SPAG16: variants seen among roughly 807,000 people sequenced by gnomAD.
SPAG16 encodes the protein sperm associated antigen 16.
SPAG16 carries 86 observed loss-of-function variants against 80.4 expected under a neutral mutation model. That is an observed-to-expected ratio of 1.07 (90% CI 0.90 to 1.28). The LOEUF is 1.28. Ranked by LOEUF, SPAG16 falls within the 50% of genes most tolerant of loss-of-function variation. SPAG16 has a pLI of 0.00. For missense variants in SPAG16, 870 were observed against 765.3 expected (o/e 1.14, Z -1.61); for synonymous variants, 294 against 265.9 (o/e 1.11, Z -1.03).
chr2:214,395,572 A>T (rs1281296734), intron 15 of SPAG16, among the ~76,000 whole-genome samples: 1 of 152,112 alleles, frequency 6.6e-6, no homozygotes, highest in Admixed American at 6.5e-5. Context: ...CAGATTTGTG[A>T]TATAGGTAAA....
chr2:213,657,423 A>T (rs950081379), intron 10 of SPAG16, among the ~76,000 whole-genome samples: 1 of 152,192 alleles, frequency 6.6e-6, no homozygotes, highest in African/African-American at 2.4e-5. Flanking sequence ...TTACAGTGAT[A>T]TTGAATATTT....
chr2:213,713,989 C>T (rs183457577), intron 10 of SPAG16, among the ~76,000 whole-genome samples: 1 of 152,242 alleles, frequency 6.6e-6, no homozygotes, highest in East Asian at 1.9e-4. Context: ...AGTTCTATAA[C>T]ATGAGAAAAA....
intron 15 of SPAG16, among the ~76,000 whole-genome samples, chr2:214,223,031 C>A (rs2058617745): frequency 6.6e-6 from 1 of 152,086 alleles, no homozygotes; most frequent in African/African-American, 2.4e-5. Context: ...TGGTTAATGT[C>A]AAAAATTTTA....
chr2:213,754,736 C>G (rs1460560305), intron 10 of SPAG16, among the ~76,000 whole-genome samples: 1 of 151,580 alleles, frequency 6.6e-6, no homozygotes, highest in African/African-American at 2.4e-5. Context: ...TCTCATTCAC[C>G]TGATGAATGC....
chr2:213,788,168 A>G (rs2070459191), intron 10 of SPAG16, among the ~76,000 whole-genome samples: 1 of 152,014 alleles, frequency 6.6e-6, no homozygotes, highest in African/African-American at 2.4e-5. Context: ...AAATTTAAGT[A>G]CAAATGTGCT....
Position 214,165,469 on chromosome 2 carries a change from C to CTTTTTTT in SPAG16, c.1720+16234_1720+16240dup, listed in dbSNP as rs67726428. On this transcript the variant is annotated intron_variant, in intron 15 of 15. Coordinates refer to ENST00000331683, the MANE Select transcript of SPAG16 (RefSeq NM_024532.5). ...TTTAAAAATGCTTTGCATCACCATC[C>CTTTTTTT]TTTTTTTTTTTTTTTTTTTTTTTTT... is the stretch of plus-strand genomic sequence containing the variant. Among the ~76,000 whole-genome samples the CTTTTTTT allele has an allele frequency of 1.1e-3, 40 of 37,856 alleles. 9 individuals carry two copies. Among genetic ancestry groups the CTTTTTTT allele is most frequent in the African/African-American group, 3.6e-3 (26 of 7,174 alleles). The allele number at this position is 37,856 out of a possible 152,430, so 24.8% of individuals were successfully genotyped here.
At chr2:213,973,966 A>G (rs1458865419) in intron 12 of SPAG16, among the ~76,000 whole-genome samples, 1 of 152,164 alleles carries the variant, frequency 6.6e-6, no homozygotes, top group Non-Finnish European at 1.5e-5. Context: ...TATCTATTAC[A>G]GCAGGTAGTT....
At chr2:213,826,559 T>G (rs1816209) in intron 10 of SPAG16, among the ~76,000 whole-genome samples, 1 of 151,826 alleles carries the variant, frequency 6.6e-6, no homozygotes, top group Admixed American at 6.6e-5. Context: ...TCCAATATTC[T>G]TCTTGTTATT....
intron 9 of SPAG16, among the ~76,000 whole-genome samples, chr2:213,453,552 A>G (rs1268474776): frequency 2.6e-5 from 4 of 152,206 alleles, no homozygotes; most frequent in Non-Finnish European, 5.9e-5. Flanking sequence ...TTGTGGTAAA[A>G]GAGATTCTGA....
chr2:213,735,520 A>G (rs1014058802), intron 10 of SPAG16, among the ~76,000 whole-genome samples: 4 of 152,178 alleles, frequency 2.6e-5, no homozygotes, highest in South Asian at 2.1e-4. Context: ...ACTGAAGCTC[A>G]TATTGTTTCC....
chr2:213,325,678 C>T (rs2063812093), intron 5 of SPAG16, among the ~76,000 whole-genome samples: 1 of 151,368 alleles, frequency 6.6e-6, no homozygotes, highest in African/African-American at 2.4e-5. Flanking sequence ...AGGATTGATA[C>T]TGTCACAAGT....
At chr2:213,761,142 A>G (rs79944662) in intron 10 of SPAG16, among the ~76,000 whole-genome samples, 4,437 of 152,314 alleles carry the variant, frequency 0.029, 149 homozygotes, top group African/African-American at 0.085. Flanking sequence ...AAAGTTACAA[A>G]ACTTTGGAAT....
At chr2:213,661,002 T>C (rs1347820674) in intron 10 of SPAG16, among the ~76,000 whole-genome samples, 1 of 152,200 alleles carries the variant, frequency 6.6e-6, no homozygotes, top group African/African-American at 2.4e-5. Context: ...TTAACTTGTC[T>C]TGTCTCATTC....
At position 214,401,704 on chromosome 2, in the gene SPAG16, G is replaced by T. The variant is rs117999118; in HGVS notation, c.1721-8436G>T. Among the ~76,000 whole-genome samples the T allele has an allele frequency of 9.6e-4, 146 of 151,918 alleles. 1 individual carries two copies. In the East Asian group the frequency reaches 0.024, roughly 24 times the overall value. The stretch of plus-strand genomic sequence containing the variant: ...TTTCTTATAACAAAGCTCCATTCCT[G>T]CAGACACATTCCTACAATCCAGAAT... On this transcript the variant is annotated intron_variant, in intron 15 of 15. Transcript: ENST00000331683.
chr2:214,108,014 G>C (rs73076856), intron 13 of SPAG16, among the ~76,000 whole-genome samples, 182 bp from the exon 14 acceptor site: 1 of 151,880 alleles, frequency 6.6e-6, no homozygotes. Context: ...TATGCTCCCC[G>C]CTCTAGGTCT....
chr2:213,599,826 C>A (rs1296905708), intron 10 of SPAG16, among the ~76,000 whole-genome samples: 1 of 152,100 alleles, frequency 6.6e-6, no homozygotes, highest in South Asian at 2.1e-4. Flanking sequence ...CTCAGCATCC[C>A]GAGTAGCTGG....
At chr2:213,359,813 A>G (rs924384825) in intron 7 of SPAG16, among the ~76,000 whole-genome samples, 3 of 152,160 alleles carry the variant, frequency 2.0e-5, no homozygotes, top group Non-Finnish European at 4.4e-5. Context: ...GGGATGAACC[A>G]GCACCTCAGT....
At chr2:213,379,242 A>G (rs2067043286) in intron 9 of SPAG16, among the ~76,000 whole-genome samples, 1 of 152,190 alleles carries the variant, frequency 6.6e-6, no homozygotes, top group Non-Finnish European at 1.5e-5. Context: ...GGTTCCTGGA[A>G]CCATGAATCC....
chr2:213,288,446 A>G (rs996801753), intron 1 of SPAG16, among the ~76,000 whole-genome samples: 2 of 150,316 alleles, frequency 1.3e-5, no homozygotes, highest in Non-Finnish European at 3.0e-5. Flanking sequence ...CTGGGACTAC[A>G]GGCATCTGCC....
Sources: allele counts gnomAD v4.1 joint callset (sites outside exome capture counted in the v4.1 genomes callset), GRCh38; gene constraint gnomAD v4.1.1; transcripts MANE v1.5; gene names NCBI Gene and HGNC (gene_info 2026-07-23, HGNC 2026-07-21).